Variants in GPC5 observed in about 807,000 individuals in gnomAD.
The protein encoded by GPC5 is glypican-5.
Under a neutral mutation model 53.9 loss-of-function variants are expected in GPC5, and 47 were observed. The ratio of observed to expected loss-of-function variants is 0.87; its 90% confidence interval spans 0.69 to 1.11. GPC5 has a LOEUF of 1.11. Ranked by LOEUF, GPC5 falls within the 50% of genes most tolerant of loss-of-function variation. The pLI, the probability that GPC5 is intolerant of heterozygous loss-of-function variation, is 0.00. For synonymous variants in GPC5, 286 were observed against 263.3 expected, an observed-to-expected ratio of 1.09 and a Z score of -0.84; for missense variants, 748 against 713.1, an observed-to-expected ratio of 1.05 and a Z score of -0.56.
intron 7 of GPC5, among the ~76,000 whole-genome samples, chr13:92,170,588 C>A (rs1353398351): frequency 6.6e-6 from 1 of 151,688 alleles, no homozygotes; most frequent in Non-Finnish European, 1.5e-5. Flanking sequence ...CCACGCCCAG[C>A]TAATTTTTGT....
intron 7 of GPC5, among the ~76,000 whole-genome samples, chr13:92,330,818 G>C (rs1196605756): frequency 6.6e-6 from 1 of 152,136 alleles, no homozygotes. Context: ...GGGCCATGGT[G>C]GAGCCGAGGT....
At chr13:91,879,538 G>T (rs1055752510) in intron 5 of GPC5, among the ~76,000 whole-genome samples, 1 of 152,112 alleles carries the variant, frequency 6.6e-6, no homozygotes, top group Non-Finnish European at 1.5e-5. Context: ...GTTCAAAGAA[G>T]GCTGCCCTTT....
intron 7 of GPC5, among the ~76,000 whole-genome samples, chr13:92,280,987 C>G (rs1036384674): frequency 1.3e-5 from 2 of 152,202 alleles, no homozygotes; most frequent in African/African-American, 2.4e-5. Flanking sequence ...TCAGGGAATT[C>G]CCTTTCCCAG....
intron 7 of GPC5, among the ~76,000 whole-genome samples, chr13:92,213,031 T>A (rs562948468): frequency 7.9e-4 from 120 of 152,294 alleles, no homozygotes; most frequent in Non-Finnish European, 1.2e-3. Context: ...AAGGGAATAA[T>A]CTTGACAAGA....
chr13:92,080,062 T>C (rs1351563169), intron 6 of GPC5, among the ~76,000 whole-genome samples: 1 of 152,232 alleles, frequency 6.6e-6, no homozygotes, highest in Non-Finnish European at 1.5e-5. Context: ...ATGGGCTACC[T>C]GATTTGCCTG....
At chr13:92,229,538 G>A (rs530420801) in intron 7 of GPC5, among the ~76,000 whole-genome samples, 1 of 152,000 alleles carries the variant, frequency 6.6e-6, no homozygotes. Context: ...TGAAATGAAG[G>A]TTATTGTTCC....
chr13:91,984,446 C>G (rs552367305), intron 6 of GPC5, among the ~76,000 whole-genome samples: 1 of 152,160 alleles, frequency 6.6e-6, no homozygotes, highest in African/African-American at 2.4e-5. Flanking sequence ...CTGCACTTTA[C>G]GTGGTACTCT....
At chr13:92,652,402 C>G (rs984010171) in intron 7 of GPC5, among the ~76,000 whole-genome samples, 1 of 152,084 alleles carries the variant, frequency 6.6e-6, no homozygotes, top group African/African-American at 2.4e-5. Context: ...CTTTTAGTTA[C>G]CCTGTATTTT....
At chr13:92,001,695 G>T (rs72633773) in intron 6 of GPC5, among the ~76,000 whole-genome samples, 2 of 151,864 alleles carry the variant, frequency 1.3e-5, no homozygotes, top group Non-Finnish European at 2.9e-5. Flanking sequence ...AAGTTAAATC[G>T]TATTCCATTA....
chr13:92,252,545 A>G (rs531776768), intron 7 of GPC5, among the ~76,000 whole-genome samples: 7 of 152,170 alleles, frequency 4.6e-5, no homozygotes, highest in African/African-American at 1.7e-4. Context: ...TGGGGTAAGA[A>G]TGTTATAGAG....
intron 7 of GPC5, among the ~76,000 whole-genome samples, chr13:92,216,828 G>T (rs1232743868): frequency 6.6e-6 from 1 of 151,852 alleles, no homozygotes; most frequent in Non-Finnish European, 1.5e-5. Flanking sequence ...AAAATACAAA[G>T]ATTAGCTGGG....
At chr13:92,017,705 A>G (rs949552048) in intron 6 of GPC5, among the ~76,000 whole-genome samples, 2 of 152,158 alleles carry the variant, frequency 1.3e-5, no homozygotes, top group African/African-American at 4.8e-5. Context: ...GTGTGTCTAT[A>G]CATGTGCACA....
intron 7 of GPC5, among the ~76,000 whole-genome samples, chr13:92,527,140 GAAAGAAAGAAAGAAAGAAA>G (rs1392005324): frequency 1.9e-4 from 22 of 113,934 alleles, no homozygotes; most frequent in African/African-American, 7.1e-4. Flanking sequence ...AAGAAAGAAA[GAAAGAAAGAAAGAAAGAAA>G]GAAAGAAAGA....
At chr13:91,958,218 C>T (rs1298719199) in intron 6 of GPC5, among the ~76,000 whole-genome samples, 3 of 148,184 alleles carry the variant, frequency 2.0e-5, no homozygotes, top group Non-Finnish European at 4.5e-5. Flanking sequence ...GACCAAAAAA[C>T]TAGCAGAGGT....
At chr13:92,121,917 G>A (rs546791263) in intron 6 of GPC5, among the ~76,000 whole-genome samples, 1 of 152,198 alleles carries the variant, frequency 6.6e-6, no homozygotes, top group African/African-American at 2.4e-5. Flanking sequence ...AATTAGGATT[G>A]GAATGAACGT....
intron 7 of GPC5, among the ~76,000 whole-genome samples, chr13:92,802,421 T>C (rs34444437): frequency 6.6e-6 from 1 of 151,788 alleles, no homozygotes; most frequent in African/African-American, 2.4e-5. Context: ...TTATTTGTTG[T>C]TTATATATTT....
chr13:91,928,584 T>C (rs1238876704), intron 6 of GPC5, among the ~76,000 whole-genome samples: 1 of 152,106 alleles, frequency 6.6e-6, no homozygotes, highest in Admixed American at 6.6e-5. Flanking sequence ...GAAAAGATGC[T>C]TAACTGTGCC....
rs544852972 is a variant in GPC5 at position 92,375,243 on chromosome 13, A to C, written c.1561+230254A>C. 1.8e-4 allele frequency among the ~76,000 whole-genome samples: 27 copies of C among 152,330 alleles called. No homozygotes were observed. The South Asian group carries it at 5.0e-3, about 28-fold the overall frequency. ...GCTAAAGATATTGTCTTCATTGCAA[A>C]CTTTACAGAAGATTATGGGTGACAA... On this transcript the variant is annotated intron_variant, in intron 7 of 7. Coordinates refer to ENST00000377067, the MANE Select transcript of GPC5 (RefSeq NM_004466.6).
chr13:91,889,697 T>C (rs534690517), intron 5 of GPC5, among the ~76,000 whole-genome samples: 1 of 152,316 alleles, frequency 6.6e-6, no homozygotes, highest in East Asian at 1.9e-4. Flanking sequence ...CAGTCATATA[T>C]TCACGCACAT....
Sources: allele counts gnomAD v4.1 joint callset (sites outside exome capture counted in the v4.1 genomes callset), GRCh38; gene constraint gnomAD v4.1.1; transcripts MANE v1.5; gene names NCBI Gene and HGNC (gene_info 2026-07-23, HGNC 2026-07-21).